MYLK3: variants seen among roughly 807,000 people sequenced by gnomAD.
MYLK3 encodes the protein MLC kinase.
MYLK3 carries 55 observed loss-of-function variants against 76.3 expected under a neutral mutation model. The ratio of observed to expected loss-of-function variants is 0.72; its 90% CI spans 0.58 to 0.90. MYLK3 has a LOEUF of 0.90. Ranked by LOEUF, MYLK3 falls within the 40% of genes least tolerant of loss-of-function variation. The pLI is 0.00. For synonymous variants in MYLK3, 416 were observed against 425.4 expected (o/e 0.98, Z 0.27); for missense variants, 973 against 1,053.6 (o/e 0.92, Z 1.06).
In MYLK3 at chr16:46,738,129, C is replaced by CTA; in HGVS notation, c.582_583insTA (p.Asp195Ter). The CTA allele has an allele frequency of 2.6e-6, 4 of 1,542,090 alleles. No homozygotes were observed. The highest frequency in any genetic ancestry group is 2.3e-5 in the East Asian group (1 of 43,900). ...CTCTCCGCTGTCCCCTCCAGCACGT[C>CTA]CGCCTTCTGGCTCTCTACAGGAAAA... On this transcript the variant is annotated frameshift_variant, in exon 3 of 13. Transcript: ENST00000394809. LOFTEE classifies it high-confidence loss of function.
At chr16:46,710,593 GTC>G (rs1567280079) in intron 11 of MYLK3, 42 bp downstream of exon 11, 2 of 1,610,152 alleles carry the variant, frequency 1.2e-6, no homozygotes, top group East Asian at 2.2e-5. Flanking sequence ...CAGACCTGGG[GTC>G]CCCATCAGAA....
At chr16:46,760,766 C>T (rs1369503988) in intron 1 of MYLK3, among the ~76,000 whole-genome samples, 1 of 152,130 alleles carries the variant, frequency 6.6e-6, no homozygotes, top group Non-Finnish European at 1.5e-5. Flanking sequence ...CCTGAGGGTC[C>T]ATAGGAGAGG....
In MYLK3 at chr16:46,729,106, T is replaced by C. The variant is rs765522176; in HGVS notation, c.1690A>G (p.Met564Val). The change falls in exon 7 of 13, where the codon ATG (methionine) becomes GTG (valine). Residue 564 changes from methionine to valine, a missense_variant. Around this residue, in one of 2 missense-constraint regions of MYLK3, gnomAD observed 332 missense variants for 416.6 expected, o/e 0.80. Coordinates refer to ENST00000394809, the MANE Select transcript of MYLK3 (RefSeq NM_182493.3). ...REDVKNEINI[M>V]NQLSHVNLIQ... ...AGGTTCACGTGGCTGAGCTGGTTCA[T>C]GATGTTGATCTCGTTCTTCACGTCC... 6.2e-7 allele frequency: 1 copy of C among 1,614,144 alleles called. No individual in the cohort carries two copies. Among genetic ancestry groups the C allele is most frequent in the Admixed American group, 1.7e-5 (1 of 60,018 alleles).
intron 1 of MYLK3, chr16:46,757,509 C>T: frequency 2.0e-6 from 2 of 985,392 alleles, no homozygotes; most frequent in Non-Finnish European, 2.4e-6. Context: ...GAGTCCCCAT[C>T]CATCAGCCAC....
Position 46,712,659 on chromosome 16 carries a change from G to T in MYLK3, c.2103C>A (p.Ile701=). Residue 701 remains isoleucine (I), a synonymous_variant, in exon 10 of 13, where the codon ATC becomes ATA. Transcript: ENST00000394809. ...TGCTAAGCACTCACAGCATGTAGGT[G>T]ATGACTCCCACACTCCACATGTCTG... The part of the protein sequence containing the change: ...FPTDMWSVGV[I]TYMLLSGLSP... 1 of 1,540,434 alleles carries T rather than the reference G, an allele frequency of 6.5e-7. No individual in the cohort carries two copies. Among genetic ancestry groups the T allele is most frequent in the South Asian group, 1.2e-5 (1 of 80,326 alleles).
At chr16:46,734,019 AG>A (rs1288252912) in intron 3 of MYLK3, among the ~76,000 whole-genome samples, 2 of 152,208 alleles carry the variant, frequency 1.3e-5, no homozygotes, top group Non-Finnish European at 2.9e-5. Flanking sequence ...AGAAATTAAA[AG>A]TAGGATTACC....
chr16:46,755,474 C>T (rs185556367), intron 1 of MYLK3, among the ~76,000 whole-genome samples: 2 of 150,168 alleles, frequency 1.3e-5, no homozygotes, highest in East Asian at 1.9e-4. Context: ...AAAAAAAAAG[C>T]TCCAAGAAAC....
upstream of MYLK3, chr16:46,748,421 A>G: frequency 1.3e-6 from 1 of 751,668 alleles, no homozygotes; most frequent in Non-Finnish European, 2.0e-6. This position sits in a 1 kb window ranked among gnomAD's most constrained non-coding sequence, Gnocchi z 4.3. Flanking sequence ...TGTGAGTGAC[A>G]GGCCGAGGTC....
intron 5 of MYLK3, 83 bp downstream of exon 5, chr16:46,730,510 C>T: frequency 3.5e-6 from 4 of 1,135,806 alleles, no homozygotes; most frequent in Non-Finnish European, 4.0e-6. Flanking sequence ...TCCTGCAGCA[C>T]CCACCCCAGT....
At chr16:46,739,838 A>T (rs1201789212) in intron 2 of MYLK3, among the ~76,000 whole-genome samples, 1 of 152,144 alleles carries the variant, frequency 6.6e-6, no homozygotes, top group East Asian at 1.9e-4. Context: ...CCCAACCCCG[A>T]GGTGTTCAAG....
rs1410625812 is a variant in MYLK3 at position 46,703,489 on chromosome 16, C to G, written c.*4215G>C. 1 of 152,202 alleles carries G rather than the reference C, an allele frequency of 6.6e-6. No homozygotes were observed. The highest frequency in any genetic ancestry group is 2.4e-5 in the African/African-American group (1 of 41,440). The allele number at this position is 152,202 out of a possible 1,614,324, so 9.4% of individuals were successfully genotyped here. A position where few individuals can be genotyped will look rare whatever the true frequency, so the allele number is the denominator to read the frequency against. On this transcript the variant is annotated 3_prime_UTR_variant, in exon 13 of 13. Transcript: ENST00000394809. Reference sequence around the variant, plus strand: ...CAATCTGACAGGTGGAAAAAGTGTGCCCCAACTACCTTTTAGAGTTTCTCT... The same window carrying G: ...CAATCTGACAGGTGGAAAAAGTGTGGCCCAACTACCTTTTAGAGTTTCTCT...
chr16:46,755,262 C>T (rs985810256), intron 1 of MYLK3, among the ~76,000 whole-genome samples: 1 of 151,934 alleles, frequency 6.6e-6, no homozygotes, highest in Admixed American at 6.6e-5. Context: ...GGGTAAACAG[C>T]CTGGCCAACA....
intron 1 of MYLK3, among the ~76,000 whole-genome samples, chr16:46,756,916 C>T (rs1254272698): frequency 3.9e-5 from 6 of 152,296 alleles, no homozygotes; most frequent in East Asian, 1.9e-4. Context: ...CCCGTCTGAC[C>T]GCAGACGGTC....
At position 46,732,443 on chromosome 16, in the gene MYLK3, G is replaced by A. The variant is rs769416630; in HGVS notation, c.1227C>T (p.Pro409=). ...GCTCCTCCTCTGCCTTCACTCCCCC[G>A]GGGCTGCTGCTCTCCTGCAGCGGGG... is the stretch of plus-strand genomic sequence containing the variant. The part of the protein sequence containing the change: ...ELSPLQESSS[P]GGVKAEEEQR... The change falls in exon 4 of 13, where the codon CCC becomes CCT. Residue 409 remains proline (P), a synonymous_variant. Transcript: ENST00000394809. 1.1e-4 allele frequency: 178 copies of A among 1,612,492 alleles called. No homozygotes were observed. Among genetic ancestry groups the A allele is most frequent in the Non-Finnish European group, 1.4e-4 (165 of 1,180,008 alleles).
intron 1 of MYLK3, among the ~76,000 whole-genome samples, chr16:46,753,404 C>T (rs536293025): frequency 1.3e-5 from 2 of 152,192 alleles, no homozygotes; most frequent in Non-Finnish European, 2.9e-5. Context: ...TCCTCAGGAG[C>T]GTCCCACCTG....
intron 8 of MYLK3, among the ~76,000 whole-genome samples, chr16:46,721,417 A>G (rs1966798657): frequency 6.6e-6 from 1 of 152,206 alleles, no homozygotes; most frequent in African/African-American, 2.4e-5. Flanking sequence ...GTGTAAAGGG[A>G]CAGCACTACC....
At chr16:46,712,504 C>A (rs1966694393) in intron 10 of MYLK3, 144 bp downstream of exon 10, 1 of 613,998 alleles carries the variant, frequency 1.6e-6, no homozygotes, top group Admixed American at 3.2e-5. Flanking sequence ...CCTTCCCCAT[C>A]TCACTACCCT....
chr16:46,704,760 A>G lies in MYLK3; in HGVS notation c.*2944T>C, dbSNP rs1966608876. 1 of 152,222 alleles carries G rather than the reference A, an allele frequency of 6.6e-6. No individual in the cohort carries two copies. Among genetic ancestry groups the G allele is most frequent in the Admixed American group, 6.5e-5 (1 of 15,278 alleles). The allele number at this position is 152,222 out of a possible 1,614,324, so 9.4% of individuals were successfully genotyped here. A position where few individuals can be genotyped will look rare whatever the true frequency, so the allele number is the denominator to read the frequency against. ...CAGTGCTGCTCTAGATATGGTAATT[A>G]ACTGTCTTTTTCTGGGGAGATGTTT... On this transcript the variant is annotated 3_prime_UTR_variant, in exon 13 of 13. Coordinates refer to ENST00000394809, the MANE Select transcript of MYLK3 (RefSeq NM_182493.3).
At position 46,729,777 on chromosome 16, in the gene MYLK3, C is replaced by T. The variant is rs372234799; in HGVS notation, c.1569-90G>A. The T allele has an allele frequency of 2.0e-5, 23 of 1,128,560 alleles. 1 individual carries two copies. The African/African-American group carries it at 2.9e-4, about 14-fold the overall frequency. 69.9% of individuals were successfully genotyped at this position (1,128,560 alleles called of 1,614,324 possible). A position where few individuals can be genotyped will look rare whatever the true frequency, so the allele number is the denominator to read the frequency against. ...CTTCTGGGTCCAACTCATCCACACA[C>T]AGGCCATGTGGACCATCCTACATCC... On this transcript the variant is annotated intron_variant, in intron 5 of 12. Coordinates refer to ENST00000394809, the MANE Select transcript of MYLK3 (RefSeq NM_182493.3).
Sources: allele counts gnomAD v4.1 joint callset (sites outside exome capture counted in the v4.1 genomes callset), GRCh38; gene constraint gnomAD v4.1.1; regional missense constraint gnomAD v4.1.1; non-coding constraint Gnocchi (gnomAD v3.1); transcripts MANE v1.5; gene names NCBI Gene and HGNC (gene_info 2026-07-23, HGNC 2026-07-21).